EXT1: variants seen among roughly 807,000 people sequenced by gnomAD.
EXT1 encodes the protein exostosin glycosyltransferase 1.
In EXT1, 20 loss-of-function variants were observed where a neutral mutation model predicts 82.5. That is an observed-to-expected ratio of 0.24 (90% CI 0.17 to 0.35). EXT1 has a LOEUF of 0.35. EXT1 is among the 10% of genes least tolerant of loss of function. The pLI, the probability that EXT1 is intolerant of heterozygous loss-of-function variation, is 1.00. For missense variants in EXT1, 757 were observed against 936.5 expected (o/e 0.81, Z 2.50); for synonymous variants, 348 against 350.8 (o/e 0.99, Z 0.09).
At chr8:118,010,935 G>A (rs976002885) in intron 1 of EXT1, among the ~76,000 whole-genome samples, 1 of 152,178 alleles carries the variant, frequency 6.6e-6, no homozygotes, top group Non-Finnish European at 1.5e-5. Context: ...CTTTCTGTGG[G>A]TAATTCAACT....
At chr8:118,093,860 C>T (rs548130532) in intron 1 of EXT1, among the ~76,000 whole-genome samples, 18 of 152,260 alleles carry the variant, frequency 1.2e-4, no homozygotes, top group African/African-American at 3.9e-4. Context: ...CATGCAGAAA[C>T]GGTGCAGAGG....
chr8:118,077,027 G>C (rs1476736515), intron 1 of EXT1, among the ~76,000 whole-genome samples: 1 of 152,136 alleles, frequency 6.6e-6, no homozygotes, highest in Non-Finnish European at 1.5e-5. Flanking sequence ...ACACAGAAAA[G>C]TCCAAAAACA....
At chr8:118,108,722 C>T (rs1274780842) in intron 1 of EXT1, among the ~76,000 whole-genome samples, 1 of 152,184 alleles carries the variant, frequency 6.6e-6, no homozygotes, top group Admixed American at 6.5e-5. Context: ...ACTTTAATTT[C>T]CCTTCCAATC....
intron 1 of EXT1, among the ~76,000 whole-genome samples, chr8:117,961,179 C>G (rs563897860): frequency 1.3e-4 from 20 of 150,328 alleles, no homozygotes; most frequent in Non-Finnish European, 2.7e-4. Flanking sequence ...CTCTCTCTTT[C>G]TTTTTTTTTA....
At chr8:117,827,271 C>T (rs1384569877) in intron 4 of EXT1, among the ~76,000 whole-genome samples, 2 of 151,944 alleles carry the variant, frequency 1.3e-5, no homozygotes, top group Non-Finnish European at 2.9e-5. Context: ...GTTTAAGATA[C>T]ATGTAGAAAG....
At position 118,104,868 on chromosome 8, in the gene EXT1, C is replaced by G. The variant is rs374916499; in HGVS notation, c.962+5217G>C. The stretch of plus-strand genomic sequence containing the variant: ...TTTGAACATGAAACATGTCCAGAAG[C>G]CTGCAGAAGCCAATGACCACTTTGT... On this transcript the variant is annotated intron_variant, in intron 1 of 10. Transcript: ENST00000378204. 5.9e-5 allele frequency among the ~76,000 whole-genome samples: 9 copies of G among 152,302 alleles called. No homozygotes were observed. In the East Asian group the frequency reaches 1.2e-3, roughly 20 times the overall value.
At chr8:117,944,317 T>C (rs1202775200) in intron 1 of EXT1, among the ~76,000 whole-genome samples, 1 of 152,176 alleles carries the variant, frequency 6.6e-6, no homozygotes, top group African/African-American at 2.4e-5. Context: ...GGAGAATCCC[T>C]GGAATCCGGG....
chr8:118,010,265 G>A lies in EXT1; in HGVS notation c.962+99820C>T, dbSNP rs575368149. 1.7e-3 allele frequency among the ~76,000 whole-genome samples: 251 copies of A among 151,614 alleles called. 1 individual carries two copies. The highest frequency in any genetic ancestry group is 5.7e-3 in the African/African-American group (237 of 41,308). On this transcript the variant is annotated intron_variant, in intron 1 of 10. Coordinates refer to ENST00000378204, the MANE Select transcript of EXT1 (RefSeq NM_000127.3). ...CGGGCACCTGTAGTCCCAGCTACTCGGGAGGCTGAGGCAGGAGAATGGAGT... is the reference window on the plus strand; with the variant it reads ...CGGGCACCTGTAGTCCCAGCTACTCAGGAGGCTGAGGCAGGAGAATGGAGT...
chr8:118,050,757 G>A (rs1163002404), intron 1 of EXT1, among the ~76,000 whole-genome samples: 1 of 152,160 alleles, frequency 6.6e-6, no homozygotes, highest in Non-Finnish European at 1.5e-5. Context: ...AAATGTGAAA[G>A]CCATTCTTAG....
At chr8:117,844,297 C>T (rs536410617) in intron 1 of EXT1, among the ~76,000 whole-genome samples, 1 of 151,880 alleles carries the variant, frequency 6.6e-6, no homozygotes, top group South Asian at 2.1e-4. Flanking sequence ...GGACTACAGG[C>T]ATGTACCACC....
chr8:117,941,387 T>C (rs1264083022), intron 1 of EXT1, among the ~76,000 whole-genome samples: 4 of 152,132 alleles, frequency 2.6e-5, no homozygotes, highest in Non-Finnish European at 5.9e-5. Flanking sequence ...TTTGCTACTA[T>C]AACATATGGA....
At chr8:117,835,595 C>T in intron 2 of EXT1, 44 bp from the exon 3 acceptor site, 1 of 1,416,456 alleles carries the variant, frequency 7.1e-7, no homozygotes, top group Non-Finnish European at 1.0e-6. Context: ...AAAGCGACAG[C>T]AGAAGCTGTT....
chr8:117,992,438 TAAAAAAA>T (rs142840509), intron 1 of EXT1, among the ~76,000 whole-genome samples: 10 of 53,120 alleles, frequency 1.9e-4, no homozygotes, highest in East Asian at 5.3e-4. Context: ...TTCAACTAGC[TAAAAAAA>T]AAAAAAAAAA....
intron 1 of EXT1, 95 bp downstream of exon 1, chr8:118,109,990 C>T: frequency 6.4e-7 from 1 of 1,571,100 alleles, no homozygotes; most frequent in East Asian, 2.2e-5. Context: ...ACTGAGGGCT[C>T]ATCCGCCCTC....
chr8:118,024,891 TG>T (rs1816175564), intron 1 of EXT1, among the ~76,000 whole-genome samples: 1 of 152,232 alleles, frequency 6.6e-6, no homozygotes, highest in African/African-American at 2.4e-5. Context: ...TATTAAATAT[TG>T]ATGTGTTTTA....
chr8:118,108,334 G>A (rs1261713082), intron 1 of EXT1, among the ~76,000 whole-genome samples: 2 of 152,134 alleles, frequency 1.3e-5, no homozygotes, highest in Non-Finnish European at 2.9e-5. Context: ...AGAATTCTTT[G>A]AGACTGCTTT....
At chr8:118,053,377 T>A (rs1190089205) in intron 1 of EXT1, among the ~76,000 whole-genome samples, 2 of 152,336 alleles carry the variant, frequency 1.3e-5, no homozygotes, top group East Asian at 3.9e-4. Flanking sequence ...GCCCTTGATA[T>A]CCTTTTCTTC....
chr8:117,802,399 C>T (rs967036249), intron 10 of EXT1, among the ~76,000 whole-genome samples: 3 of 152,284 alleles, frequency 2.0e-5, no homozygotes, highest in Non-Finnish European at 2.9e-5. Context: ...AATGTTGGAT[C>T]ACATAGATGA....
intron 4 of EXT1, 29 bp from the exon 5 acceptor site, chr8:117,822,626 G>T: frequency 7.5e-6 from 12 of 1,609,420 alleles, no homozygotes; most frequent in Non-Finnish European, 9.3e-6. Flanking sequence ...CACACAGTGA[G>T]GATGAGATCC....
Sources: allele counts gnomAD v4.1 joint callset (sites outside exome capture counted in the v4.1 genomes callset), GRCh38; gene constraint gnomAD v4.1.1; transcripts MANE v1.5; gene names NCBI Gene and HGNC (gene_info 2026-07-23, HGNC 2026-07-21).